Variants in LRP1B observed in about 807,000 individuals in gnomAD.
LRP1B encodes the protein low-density lipoprotein receptor-related protein 1B.
Under a neutral mutation model 556.6 loss-of-function variants are expected in LRP1B, and 217 were observed. The ratio of observed to expected loss-of-function variants is 0.39; its 90% CI spans 0.35 to 0.44. The LOEUF (loss-of-function observed/expected upper bound fraction) is 0.44. Among genes scored for constraint, LRP1B ranks in the 20% least tolerant of loss-of-function variants. The pLI is 1.00. For missense variants in LRP1B, 5,053 were observed against 5,620.8 expected (o/e 0.90, Z 3.23); for synonymous variants, 2,047 against 1,865.8 (o/e 1.10, Z -2.50).
At chr2:140,738,380 A>T (rs1688020142) in intron 35 of LRP1B, among the ~76,000 whole-genome samples, 1 of 152,150 alleles carries the variant, frequency 6.6e-6, no homozygotes, top group Admixed American at 6.5e-5. Flanking sequence ...CTATTTCTCA[A>T]ACCTGTGCAG....
At chr2:140,827,300 A>G (rs576061045) in intron 31 of LRP1B, among the ~76,000 whole-genome samples, 1 of 152,300 alleles carries the variant, frequency 6.6e-6, no homozygotes, top group South Asian at 2.1e-4. Flanking sequence ...CTAGTGAGAC[A>G]GCAATTTGTG....
At chr2:141,076,327 G>A (rs888025763) in intron 7 of LRP1B, among the ~76,000 whole-genome samples, 2 of 152,192 alleles carry the variant, frequency 1.3e-5, no homozygotes, top group African/African-American at 4.8e-5. Context: ...ACAACCAGTT[G>A]TGTAGGGCTG....
rs978807473 is a variant in LRP1B at position 140,778,022 on chromosome 2, G to GA, written c.5360-1785dup. Among the ~76,000 whole-genome samples the GA allele has an allele frequency of 5.3e-5, 8 of 151,864 alleles. No individual in the cohort carries two copies. The East Asian group carries it at 7.8e-4, about 15-fold the overall frequency. On this transcript the variant is annotated intron_variant, in intron 32 of 90. Transcript: ENST00000389484. ...CACTACTGCCATGCACTCACAGGGG[G>GA]AAAAAAATGCCAGTTTTACTTAAAA...
Position 140,501,761 on chromosome 2 carries a change from G to T in LRP1B, c.8776C>A (p.His2926Asn), listed in dbSNP as rs146247369. Residue 2926 changes from histidine to asparagine, a missense_variant, in exon 55 of 91, where the codon CAT (histidine) becomes AAT (asparagine). Around this residue, in one of 5 missense-constraint regions of LRP1B, gnomAD observed 3,619 missense variants for 3,931.9 expected, o/e 0.92. Coordinates refer to ENST00000389484, the MANE Select transcript of LRP1B (RefSeq NM_018557.3). ...TTCTTACTCAAACATTCATTTATAT[G>T]GCAGTTTCTCTCATCTGAACCATCG... ...CGDGSDERNC[H>N]INECLSKKVS... 3.2e-5 allele frequency: 52 copies of T among 1,612,684 alleles called. No individual in the cohort carries two copies. The African/African-American group carries it at 6.7e-4, about 21-fold the overall frequency.
chr2:141,030,792 T>C (rs551054284), intron 11 of LRP1B, among the ~76,000 whole-genome samples: 14 of 151,990 alleles, frequency 9.2e-5, no homozygotes, highest in Non-Finnish European at 2.1e-4. Flanking sequence ...TTCTTTCCAA[T>C]TGCATAGGAA....
intron 7 of LRP1B, among the ~76,000 whole-genome samples, chr2:141,165,227 G>A (rs1418794540): frequency 6.6e-6 from 1 of 151,898 alleles, no homozygotes; most frequent in Non-Finnish European, 1.5e-5. Flanking sequence ...GAAATCATCA[G>A]CCAAGAATTA....
chr2:140,529,425 G>T (rs1690584922), intron 47 of LRP1B, among the ~76,000 whole-genome samples: 1 of 106,372 alleles, frequency 9.4e-6, no homozygotes, highest in Admixed American at 9.7e-5. Context: ...GCAAAGGGAA[G>T]CTGAAAAGGG....
chr2:141,825,020 G>T (rs1208981798), intron 1 of LRP1B, among the ~76,000 whole-genome samples: 1 of 152,102 alleles, frequency 6.6e-6, no homozygotes, highest in African/African-American at 2.4e-5. Flanking sequence ...TTGTGAAGAA[G>T]GTATTTTCTT....
intron 1 of LRP1B, among the ~76,000 whole-genome samples, chr2:141,817,384 T>C (rs1289038460): frequency 6.6e-6 from 1 of 152,118 alleles, no homozygotes; most frequent in Non-Finnish European, 1.5e-5. Context: ...AGGACAAGCA[T>C]AGCCTACACA....
At chr2:141,176,377 T>A (rs1680735342) in intron 7 of LRP1B, among the ~76,000 whole-genome samples, 1 of 151,968 alleles carries the variant, frequency 6.6e-6, no homozygotes, top group African/African-American at 2.4e-5. Context: ...AGGGAAGATT[T>A]CCCCTTTTCT....
chr2:141,213,846 G>T (rs547204383), intron 6 of LRP1B, among the ~76,000 whole-genome samples: 3 of 150,914 alleles, frequency 2.0e-5, no homozygotes, highest in Non-Finnish European at 2.9e-5. Flanking sequence ...ATTTTTGACC[G>T]ATGGTTGGCT....
rs187522802 is a variant in LRP1B at position 141,759,574 on chromosome 2, G to C, written c.205+50705C>G. On this transcript the variant is annotated intron_variant, in intron 2 of 90. Coordinates refer to ENST00000389484, the MANE Select transcript of LRP1B (RefSeq NM_018557.3). ...ATCAAAACTTTACCAAAATAAATCT[G>C]TGATTAAAAGAGCCTAACATGTTAT... Among the ~76,000 whole-genome samples the C allele has an allele frequency of 1.6e-4, 24 of 152,248 alleles. 1 individual carries two copies. Among genetic ancestry groups the C allele is most frequent in the African/African-American group, 5.5e-4 (23 of 41,566 alleles).
chr2:140,914,404 C>G (rs1192343776), intron 21 of LRP1B, among the ~76,000 whole-genome samples: 1 of 152,104 alleles, frequency 6.6e-6, no homozygotes, highest in Non-Finnish European at 1.5e-5. Flanking sequence ...TCTGAGCATA[C>G]AGGGGATTAC....
intron 21 of LRP1B, among the ~76,000 whole-genome samples, chr2:140,916,670 T>G (rs1321687151): frequency 6.6e-6 from 1 of 152,118 alleles, no homozygotes. Flanking sequence ...CTATCACAAC[T>G]CTTAGAAAGG....
chr2:141,438,472 G>A (rs1393702984), intron 3 of LRP1B, among the ~76,000 whole-genome samples: 1 of 152,034 alleles, frequency 6.6e-6, no homozygotes, highest in Non-Finnish European at 1.5e-5. Flanking sequence ...TTACACATAT[G>A]CCTGCCACTT....
intron 35 of LRP1B, among the ~76,000 whole-genome samples, chr2:140,751,541 A>T (rs1032494620): frequency 6.6e-6 from 1 of 152,174 alleles, no homozygotes; most frequent in African/African-American, 2.4e-5. Context: ...TCATCCCTTG[A>T]TACCTGAGTT....
intron 2 of LRP1B, among the ~76,000 whole-genome samples, chr2:141,503,802 G>T (rs552282169): frequency 2.0e-5 from 3 of 152,046 alleles, no homozygotes; most frequent in Admixed American, 2.0e-4. Context: ...ATATGTTAAG[G>T]CACTCTTGTT....
At chr2:141,054,403 T>C (rs911163550) in intron 10 of LRP1B, among the ~76,000 whole-genome samples, 3 of 152,008 alleles carry the variant, frequency 2.0e-5, no homozygotes. Flanking sequence ...CGTTCTACTA[T>C]ACCTGATTAT....
chr2:141,208,132 T>C (rs1682365376), intron 6 of LRP1B: 1 of 152,236 alleles, frequency 6.6e-6, no homozygotes, highest in Middle Eastern at 3.1e-3. Context: ...TCTTTTATCT[T>C]CTTGAAAGCT....
Sources: allele counts gnomAD v4.1 joint callset (sites outside exome capture counted in the v4.1 genomes callset), GRCh38; gene constraint gnomAD v4.1.1; regional missense constraint gnomAD v4.1.1; transcripts MANE v1.5; gene names NCBI Gene and HGNC (gene_info 2026-07-23, HGNC 2026-07-21).